Variants in C16orf87 observed in about 807,000 individuals in gnomAD.
C16orf87 encodes UPF0547 protein C16orf87.
Under a neutral mutation model 21.0 loss-of-function variants are expected in C16orf87, and 13 were observed. The ratio of observed to expected loss-of-function variants is 0.62; its 90% CI spans 0.40 to 0.98. The LOEUF is 0.98. Among genes scored for constraint, C16orf87 ranks in the 50% least tolerant of loss-of-function variants. C16orf87 has a pLI of 0.00. For missense variants in C16orf87, 113 were observed against 180.4 expected (o/e 0.63, Z 2.14); for synonymous variants, 49 against 60.2 (o/e 0.81, Z 0.86).
In C16orf87 at chr16:46,819,964, CAA is replaced by C. The variant is rs569662249; in HGVS notation, c.163+4420_163+4421del. 6.1e-3 allele frequency among the ~76,000 whole-genome samples: 926 copies of C among 151,558 alleles called. 13 individuals carry two copies. Among genetic ancestry groups the C allele is most frequent in the African/African-American group, 0.022 (891 of 41,316 alleles). On this transcript the variant is annotated intron_variant, in intron 2 of 3. Coordinates refer to ENST00000285697, the MANE Select transcript of C16orf87 (RefSeq NM_001001436.4). Reference sequence around the variant, plus strand: ...TGCCATTGCACTCCAGCCTGGGAAACAAGAGCGAGACTCCATCTCAAAAAAAA... The same window carrying C: ...TGCCATTGCACTCCAGCCTGGGAAACGAGCGAGACTCCATCTCAAAAAAAA...
At chr16:46,822,704 G>T (rs1319988481) in intron 2 of C16orf87, among the ~76,000 whole-genome samples, 1 of 152,144 alleles carries the variant, frequency 6.6e-6, no homozygotes, top group African/African-American at 2.4e-5. Flanking sequence ...GTCTAACTCA[G>T]TATTCTTAGT....
intron 1 of C16orf87, among the ~76,000 whole-genome samples, chr16:46,830,402 G>A (rs539113596): frequency 6.6e-6 from 1 of 152,008 alleles, no homozygotes; most frequent in Non-Finnish European, 1.5e-5. Flanking sequence ...GGGGAAGTTA[G>A]GAGCGCCCAA....
intron 3 of C16orf87, among the ~76,000 whole-genome samples, chr16:46,805,188 T>C (rs1967893083): frequency 6.6e-6 from 1 of 152,314 alleles, no homozygotes; most frequent in Admixed American, 6.5e-5. Context: ...TTAAAGTCGT[T>C]GATGACTTCC....
rs1432521926 is a variant in C16orf87, at chr16:46,809,637, T to G, written c.312A>C (p.Lys104Asn). The G allele has an allele frequency of 6.2e-7, 1 of 1,612,696 alleles. No individual in the cohort carries two copies. Among genetic ancestry groups the G allele is most frequent in the Non-Finnish European group, 8.5e-7 (1 of 1,179,550 alleles). ...DHIRRGRGRPKSASAKKHEEE... is the reference protein window; with the variant it reads ...DHIRRGRGRPNSASAKKHEEE... The stretch of plus-strand genomic sequence containing the variant: ...CCTCATGTTTTTTGGCAGATGCACT[T>G]TTAGGTCTTCCTCTTCCTCGTCTGA... The change falls in exon 3 of 4, where the codon AAA becomes AAC. Residue 104 changes from lysine (K) to asparagine (N), a missense_variant. Lys to Asn is a moderately conservative substitution (Grantham distance 94, BLOSUM62 0). Coordinates refer to ENST00000285697, the MANE Select transcript of C16orf87 (RefSeq NM_001001436.4).
chr16:46,820,690 T>C (rs1959383171), intron 2 of C16orf87, among the ~76,000 whole-genome samples: 1 of 152,196 alleles, frequency 6.6e-6, no homozygotes, highest in Non-Finnish European at 1.5e-5. Flanking sequence ...ATATAAACAA[T>C]TAGGCTCTCT....
At chr16:46,808,537 T>TA (rs1482938617) in intron 3 of C16orf87, among the ~76,000 whole-genome samples, 1 of 152,172 alleles carries the variant, frequency 6.6e-6, no homozygotes, top group Non-Finnish European at 1.5e-5. Context: ...TGTAAGAAAT[T>TA]AAAAATGCAT....
rs1405821942 is a variant in C16orf87, at chr16:46,797,375, T to C, written c.*5577A>G. 1 of 152,238 alleles carries C rather than the reference T, an allele frequency of 6.6e-6. No individual in the cohort carries two copies. The highest frequency in any genetic ancestry group is 1.5e-5 in the Non-Finnish European group (1 of 68,048). 9.4% of individuals were successfully genotyped at this position (152,238 alleles called of 1,614,324 possible). On this transcript the variant is annotated 3_prime_UTR_variant, in exon 4 of 4. Coordinates refer to ENST00000285697, the MANE Select transcript of C16orf87 (RefSeq NM_001001436.4). Reference sequence around the variant, plus strand: ...TATTTTTATTTTTTGAGACACAGTGTCTAGCTCTGTCACTCAGGCTGGAGT... The same window carrying C: ...TATTTTTATTTTTTGAGACACAGTGCCTAGCTCTGTCACTCAGGCTGGAGT...
rs1313363811 is a variant in C16orf87 at position 46,800,169 on chromosome 16, T to C, written c.*2783A>G. On this transcript the variant is annotated 3_prime_UTR_variant, in exon 4 of 4. Coordinates refer to ENST00000285697, the MANE Select transcript of C16orf87 (RefSeq NM_001001436.4). ...CTTTTAGGAAGCAACTCAGAGGTCA[T>C]ACTGACCTTTTTTTTTTTTTTCTTA... 1.9e-5 allele frequency: 2 copies of C among 105,122 alleles called. No homozygotes were observed. The highest frequency in any genetic ancestry group is 6.1e-5 in the African/African-American group (2 of 32,776). The allele number at this position is 105,122 out of a possible 1,614,324, so 6.5% of individuals were successfully genotyped here.
intron 2 of C16orf87, among the ~76,000 whole-genome samples, chr16:46,823,854 T>C (rs1366356701): frequency 6.6e-6 from 1 of 152,174 alleles, no homozygotes; most frequent in Non-Finnish European, 1.5e-5. Flanking sequence ...AAAGAGTACA[T>C]ACTATATGAT....
At chr16:46,812,004 G>A (rs1181787699) in intron 2 of C16orf87, among the ~76,000 whole-genome samples, 2 of 151,988 alleles carry the variant, frequency 1.3e-5, no homozygotes, top group Non-Finnish European at 2.9e-5. Flanking sequence ...AGCACCTTGG[G>A]AGGCCAAAGG....
At chr16:46,822,220 T>C (rs771548356) in intron 2 of C16orf87, among the ~76,000 whole-genome samples, 26 of 152,140 alleles carry the variant, frequency 1.7e-4, no homozygotes, top group Non-Finnish European at 3.4e-4. Context: ...CTGGCCCTGT[T>C]CCTTCTTTTA....
At chr16:46,813,946 C>T (rs1363558604) in intron 2 of C16orf87, among the ~76,000 whole-genome samples, 2 of 152,136 alleles carry the variant, frequency 1.3e-5, no homozygotes, top group Non-Finnish European at 2.9e-5. Context: ...ATTTGCAGAA[C>T]CCAGAACATT....
chr16:46,812,612 T>C (rs1043267713), intron 2 of C16orf87, among the ~76,000 whole-genome samples: 2 of 152,196 alleles, frequency 1.3e-5, no homozygotes, highest in African/African-American at 4.8e-5. Flanking sequence ...GAACTAGTGA[T>C]AGATGAAGCT....
chr16:46,810,374 A>C (rs1249258475), intron 2 of C16orf87, among the ~76,000 whole-genome samples: 1 of 152,208 alleles, frequency 6.6e-6, no homozygotes, highest in East Asian at 1.9e-4. Flanking sequence ...AGCAATAGGG[A>C]AACTTTACTA....
chr16:46,823,932 G>A (rs1055130990), intron 2 of C16orf87, among the ~76,000 whole-genome samples: 5 of 152,046 alleles, frequency 3.3e-5, no homozygotes, highest in Non-Finnish European at 5.9e-5. Context: ...CAGGAAGGAG[G>A]GATTACAAAG....
chr16:46,804,064 T>C (rs759191623), intron 3 of C16orf87, among the ~76,000 whole-genome samples: 2 of 152,254 alleles, frequency 1.3e-5, no homozygotes, highest in Non-Finnish European at 2.9e-5. Flanking sequence ...TTCCTTTACA[T>C]TGTTTTCCCT....
At chr16:46,820,368 A>ACCTATCTAT (rs1266803959) in intron 2 of C16orf87, among the ~76,000 whole-genome samples, 7 of 152,202 alleles carry the variant, frequency 4.6e-5, no homozygotes, top group African/African-American at 1.7e-4. Flanking sequence ...TTATATAGTT[A>ACCTATCTAT]CCTATCTATC....
intron 3 of C16orf87, among the ~76,000 whole-genome samples, chr16:46,805,546 T>C (rs1967907118): frequency 6.6e-6 from 1 of 152,228 alleles, no homozygotes; most frequent in Non-Finnish European, 1.5e-5. Context: ...GTTTTTCTTT[T>C]CCCTGCAAAA....
In C16orf87 at chr16:46,797,175, T is replaced by C. The variant is rs1967632617; in HGVS notation, c.*5777A>G. 1 of 152,118 alleles carries C rather than the reference T, an allele frequency of 6.6e-6. No homozygotes were observed. Among genetic ancestry groups the C allele is most frequent in the African/African-American group, 2.4e-5 (1 of 41,406 alleles). The allele number at this position is 152,118 out of a possible 1,614,324, so 9.4% of individuals were successfully genotyped here. On this transcript the variant is annotated 3_prime_UTR_variant, in exon 4 of 4. Coordinates refer to ENST00000285697, the MANE Select transcript of C16orf87 (RefSeq NM_001001436.4). The stretch of plus-strand genomic sequence containing the variant: ...TCAACAGACCTGCACTAAAAGAAAT[T>C]TTCCAGATGAAAAGGACTGATACCT...
Sources: gnomAD v4.1 joint callset for allele counts (sites outside exome capture counted in the v4.1 genomes callset) on GRCh38, gnomAD v4.1.1 for gene constraint, MANE v1.5 for transcripts, NCBI Gene and HGNC (gene_info 2026-07-23, HGNC 2026-07-21) for gene names.